MRPS6: variants seen among roughly 807,000 people sequenced by gnomAD.
The protein encoded by MRPS6 is mitochondrial ribosomal protein S6.
Under a neutral mutation model 13.1 loss-of-function variants are expected in MRPS6, and 6 were observed. The observed-to-expected ratio is 0.46, with a 90% CI of 0.25 to 0.91. MRPS6 has a LOEUF of 0.91. Among genes scored for constraint, MRPS6 ranks in the 40% least tolerant of loss-of-function variants. The pLI is 0.18. For synonymous variants in MRPS6, 61 were observed against 56.5 expected (o/e 1.08, Z -0.36); for missense variants, 164 against 155.6 (o/e 1.05, Z -0.29).
intron 2 of MRPS6, among the ~76,000 whole-genome samples, chr21:34,133,970 C>A (rs1028358427): frequency 4.6e-5 from 7 of 152,224 alleles, no homozygotes; most frequent in East Asian, 1.9e-4. Context: ...AAGCATTGGG[C>A]CCCTGTTGGG....
intron 2 of MRPS6, among the ~76,000 whole-genome samples, chr21:34,128,051 T>C (rs768232062): frequency 7.9e-5 from 12 of 152,216 alleles, no homozygotes; most frequent in Non-Finnish European, 1.8e-4. Context: ...CCACATTCTA[T>C]CATGGTACTG....
At chr21:34,079,758 C>G (rs1989418849) in intron 1 of MRPS6, among the ~76,000 whole-genome samples, 1 of 151,712 alleles carries the variant, frequency 6.6e-6, no homozygotes, top group Non-Finnish European at 1.5e-5. Context: ...ATTCCATTAA[C>G]CTTCATGTGG....
chr21:34,108,176 ATGTCT>A lies in MRPS6; in HGVS notation c.46-17163_46-17159del, dbSNP rs534699479. Among the ~76,000 whole-genome samples the A allele has an allele frequency of 7.9e-5, 12 of 152,292 alleles. No homozygotes were observed. The South Asian group carries it at 8.3e-4, about 11-fold the overall frequency. ...GCCAGGGATATAAAAGTGGACAGTA[ATGTCT>A]TAAGCTTTTACATTCACTAACCACT... is the stretch of plus-strand genomic sequence containing the variant. On this transcript the variant is annotated intron_variant, in intron 1 of 2. Transcript: ENST00000399312.
chr21:34,104,330 A>T, intron 1 of MRPS6: 3 of 999,268 alleles, frequency 3.0e-6, no homozygotes, highest in Non-Finnish European at 3.6e-6. Context: ...TGTAGAAGAA[A>T]ACGTATGTTC....
intron 2 of MRPS6, chr21:34,135,950 A>G (rs1980682593): frequency 2.4e-6 from 1 of 408,414 alleles, no homozygotes; most frequent in Admixed American, 3.5e-5. Context: ...TCCTGCAGGG[A>G]AATGTCACTG....
At chr21:34,115,224 A>G (rs547016685) in intron 1 of MRPS6, among the ~76,000 whole-genome samples, 1 of 152,248 alleles carries the variant, frequency 6.6e-6, no homozygotes, top group African/African-American at 2.4e-5. Context: ...TTTTCTTTTT[A>G]ACCTCCATTC....
chr21:34,079,464 C>T (rs971425309), intron 1 of MRPS6, among the ~76,000 whole-genome samples: 2 of 152,002 alleles, frequency 1.3e-5, no homozygotes, highest in Non-Finnish European at 2.9e-5. Flanking sequence ...GAGACAGAGT[C>T]TTGCTGTGTT....
intron 1 of MRPS6, among the ~76,000 whole-genome samples, chr21:34,086,928 C>G (rs1194692974): frequency 6.6e-6 from 1 of 152,182 alleles, no homozygotes; most frequent in East Asian, 1.9e-4. Flanking sequence ...GCTCTTTCAG[C>G]TGTGTGGGAA....
At chr21:34,103,966 G>A in intron 1 of MRPS6, 1 of 1,000,166 alleles carries the variant, frequency 1.0e-6, no homozygotes, top group Non-Finnish European at 1.2e-6. Context: ...GCTGTAGTGT[G>A]ATTGGGGTTT....
chr21:34,085,311 G>GT (rs368565753), intron 1 of MRPS6, among the ~76,000 whole-genome samples: 2 of 152,280 alleles, frequency 1.3e-5, no homozygotes, highest in African/African-American at 4.8e-5. Context: ...ACAGGAATGA[G>GT]TATTTCATAG....
intron 1 of MRPS6, among the ~76,000 whole-genome samples, chr21:34,117,713 C>T (rs1040769416): frequency 2.0e-5 from 3 of 152,082 alleles, no homozygotes; most frequent in Non-Finnish European, 2.9e-5. Flanking sequence ...TTCTGATACC[C>T]GCAGAATTTG....
chr21:34,142,288 ATGTGTGTGTT>A lies in MRPS6; in HGVS notation c.186-112_186-103del, dbSNP rs1980932671. 2.8e-6 allele frequency: 3 copies of A among 1,058,102 alleles called. No individual in the cohort carries two copies. In the East Asian group the frequency reaches 8.1e-5, roughly 29 times the overall value. 65.5% of individuals were successfully genotyped at this position (1,058,102 alleles called of 1,614,324 possible). A position where few individuals can be genotyped will look rare whatever the true frequency, so the allele number is the denominator to read the frequency against. On this transcript the variant is annotated intron_variant, in intron 2 of 2. Coordinates refer to ENST00000399312, the MANE Select transcript of MRPS6 (RefSeq NM_032476.4). ...TATTTTGACAAGGTTATGTGTGTGT[ATGTGTGTGTT>A]TGTGTGTAGTTGATGTCTGTCTAGG...
At chr21:34,130,334 C>T (rs1980459156) in intron 2 of MRPS6, among the ~76,000 whole-genome samples, 1 of 152,134 alleles carries the variant, frequency 6.6e-6, no homozygotes, top group Admixed American at 6.5e-5. Context: ...ACAGTTTTCC[C>T]CCTGGACAAC....
intron 1 of MRPS6, among the ~76,000 whole-genome samples, chr21:34,075,554 A>G (rs1989308429): frequency 6.6e-6 from 1 of 152,200 alleles, no homozygotes; most frequent in Non-Finnish European, 1.5e-5. Context: ...CAAAAAAAAG[A>G]AAAAAAGCCC....
At chr21:34,132,535 C>T (rs1399911365) in intron 2 of MRPS6, among the ~76,000 whole-genome samples, 2 of 152,170 alleles carry the variant, frequency 1.3e-5, no homozygotes, top group East Asian at 1.9e-4. Context: ...GGGAGCCTCC[C>T]GAAGCTAGGA....
At chr21:34,120,107 A>G (rs938622491) in intron 1 of MRPS6, among the ~76,000 whole-genome samples, 7 of 152,216 alleles carry the variant, frequency 4.6e-5, no homozygotes, top group African/African-American at 1.4e-4. Context: ...AACTTTTCCT[A>G]GCAGTACGTG....
intron 1 of MRPS6, among the ~76,000 whole-genome samples, chr21:34,108,337 T>C (rs964864520): frequency 6.6e-6 from 1 of 152,220 alleles, no homozygotes; most frequent in Non-Finnish European, 1.5e-5. Context: ...TACTTGTCGT[T>C]GTGCGGTTAC....
chr21:34,101,381 A>T, intron 1 of MRPS6: 1 of 1,000,130 alleles, frequency 1.0e-6, no homozygotes, highest in Non-Finnish European at 1.2e-6. Context: ...TTACCACAGT[A>T]GAGATAATTT....
intron 2 of MRPS6, among the ~76,000 whole-genome samples, chr21:34,134,834 C>T (rs1010489370): frequency 1.3e-5 from 2 of 152,162 alleles, no homozygotes; most frequent in Non-Finnish European, 1.5e-5. Context: ...AGCTATTCAA[C>T]ACTTAATGTA....
Sources: allele counts gnomAD v4.1 joint callset (sites outside exome capture counted in the v4.1 genomes callset), GRCh38; gene constraint gnomAD v4.1.1; transcripts MANE v1.5; gene names NCBI Gene and HGNC (gene_info 2026-07-23, HGNC 2026-07-21).